Variants in FTCDNL1 observed in about 807,000 individuals in gnomAD.
FTCDNL1 encodes the protein formiminotransferase N-terminal subdomain-containing protein.
In FTCDNL1, 11 loss-of-function variants were observed where a neutral mutation model predicts 5.9. That is an observed-to-expected ratio of 1.87 (90% CI 1.18 to 3.10). FTCDNL1 has a LOEUF of 3.10. Ranked by LOEUF, FTCDNL1 falls within the 30% of genes most tolerant of loss-of-function variation. FTCDNL1 has a pLI of 0.00. For missense variants in FTCDNL1, 115 were observed against 65.5 expected (o/e 1.76, Z -2.61); for synonymous variants, 58 against 24.8 (o/e 2.34, Z -3.99).
intron 3 of FTCDNL1, chr2:199,844,262 G>T (rs1216762161): frequency 4.8e-6 from 2 of 420,484 alleles, no homozygotes; most frequent in African/African-American, 4.1e-5. Context: ...TGTTGATACA[G>T]TTCTTCAAGA....
the FTCDNL1 span, among the ~76,000 whole-genome samples, chr2:199,708,955 G>A: frequency 6.6e-6 from 1 of 151,990 alleles, no homozygotes; most frequent in Non-Finnish European, 1.5e-5. Context: ...ACTGGTTTCT[G>A]TTTGCCAAAA....
At chr2:199,715,126 G>A in the FTCDNL1 span, among the ~76,000 whole-genome samples, 1 of 151,912 alleles carries the variant, frequency 6.6e-6, no homozygotes, top group Non-Finnish European at 1.5e-5. Flanking sequence ...ACAAAAAAAA[G>A]CTGCCACAGC....
At chr2:199,686,839 CTG>C in the FTCDNL1 span, among the ~76,000 whole-genome samples, 3 of 152,140 alleles carry the variant, frequency 2.0e-5, no homozygotes, top group African/African-American at 7.2e-5. Flanking sequence ...AAAAACAACA[CTG>C]AGCTCAGCAA....
At chr2:199,794,670 G>T (rs535025689) in intron 3 of FTCDNL1, among the ~76,000 whole-genome samples, 3 of 152,278 alleles carry the variant, frequency 2.0e-5, no homozygotes, top group South Asian at 2.1e-4. Flanking sequence ...TTGAGTCCAG[G>T]AGTTTGAGAC....
chr2:199,828,166 A>G (rs567766758), intron 3 of FTCDNL1, among the ~76,000 whole-genome samples: 1 of 152,334 alleles, frequency 6.6e-6, no homozygotes, highest in Non-Finnish European at 1.5e-5. Context: ...TGTTTCAAAA[A>G]AAATCTCATA....
At chr2:199,738,211 T>C in the FTCDNL1 span, among the ~76,000 whole-genome samples, 11 of 152,236 alleles carry the variant, frequency 7.2e-5, no homozygotes, top group African/African-American at 2.7e-4. Flanking sequence ...ATCCCAGCCT[T>C]CTCTAGTTCA....
At chr2:199,780,938 A>T (rs755093646) in intron 3 of FTCDNL1, among the ~76,000 whole-genome samples, 7 of 152,160 alleles carry the variant, frequency 4.6e-5, no homozygotes, top group Non-Finnish European at 8.8e-5. Context: ...TAGGGAACCA[A>T]GGTGTCTAAC....
chr2:199,757,217 C>T (rs1698103178), downstream of FTCDNL1, among the ~76,000 whole-genome samples: 1 of 152,112 alleles, frequency 6.6e-6, no homozygotes, highest in African/African-American at 2.4e-5. Context: ...GACCCAAGTA[C>T]ACAAATATAA....
chr2:199,801,634 AAC>A (rs1054202578), intron 3 of FTCDNL1, among the ~76,000 whole-genome samples: 1 of 147,130 alleles, frequency 6.8e-6, no homozygotes, highest in Non-Finnish European at 1.5e-5. Flanking sequence ...CAGCCTGGGT[AAC>A]AGAGTGACAA....
intron 3 of FTCDNL1, among the ~76,000 whole-genome samples, chr2:199,843,415 T>C (rs933639986): frequency 2.0e-5 from 3 of 152,240 alleles, no homozygotes; most frequent in African/African-American, 7.2e-5. Flanking sequence ...TTCATTTTTG[T>C]GTGGAACATA....
At chr2:199,666,747 T>C in the FTCDNL1 span, among the ~76,000 whole-genome samples, 2 of 151,964 alleles carry the variant, frequency 1.3e-5, no homozygotes, top group African/African-American at 4.8e-5. Flanking sequence ...AAGCCCCGTC[T>C]CTACTAAAAA....
At chr2:199,704,347 C>A in the FTCDNL1 span, among the ~76,000 whole-genome samples, 1 of 152,134 alleles carries the variant, frequency 6.6e-6, no homozygotes, top group Non-Finnish European at 1.5e-5. Context: ...AGCATGAGAT[C>A]CTAGCATACT....
intron 3 of FTCDNL1, among the ~76,000 whole-genome samples, chr2:199,825,593 T>C (rs748940018): frequency 6.6e-6 from 1 of 152,154 alleles, no homozygotes; most frequent in Non-Finnish European, 1.5e-5. Flanking sequence ...AGTGAGTTCT[T>C]ACTTTATAAG....
At chr2:199,799,671 C>T (rs1325285572) in intron 3 of FTCDNL1, among the ~76,000 whole-genome samples, 9 of 152,138 alleles carry the variant, frequency 5.9e-5, no homozygotes, top group Non-Finnish European at 1.3e-4. Flanking sequence ...ACCCTTTTGG[C>T]ATGAATATCC....
the FTCDNL1 span, among the ~76,000 whole-genome samples, chr2:199,701,274 T>A: frequency 1.1e-5 from 1 of 92,816 alleles, no homozygotes; most frequent in African/African-American, 4.4e-5. Flanking sequence ...CTTACACCAG[T>A]CAGAATGGCT....
the FTCDNL1 span, among the ~76,000 whole-genome samples, chr2:199,748,024 C>T: frequency 5.9e-5 from 9 of 152,170 alleles, no homozygotes; most frequent in Non-Finnish European, 1.3e-4. Flanking sequence ...CCCCAGTCCT[C>T]TTTATCCCTC....
At position 199,810,831 on chromosome 2, in the gene FTCDNL1, AT is replaced by A. The variant is rs1014751095; in HGVS notation, c.*1873del. Among the ~76,000 whole-genome samples, 5 of 152,188 alleles carry A rather than the reference AT, an allele frequency of 3.3e-5. No homozygotes were observed. Among genetic ancestry groups the A allele is most frequent in the Admixed American group, 6.5e-5 (1 of 15,282 alleles). ...ATCATTCCTTAGCTACTATTTCAAC[AT>A]TATTTTACTGTCATTACTTTTTCTT... is the stretch of plus-strand genomic sequence containing the variant. On this transcript the variant is annotated 3_prime_UTR_variant, in exon 5 of 5. Coordinates refer to ENST00000420128, the MANE Select transcript of FTCDNL1 (RefSeq NM_001363886.2).
In FTCDNL1 at chr2:199,812,748, T is replaced by C. The variant is rs1291267727; in HGVS notation, c.398-24A>G. On this transcript the variant is annotated intron_variant, in intron 4 of 4. Transcript: ENST00000420128. ...AGCTAAAAACAAGGAAAAAAATCTTTGGTATGATTTCGTTTTCCATGTGTG... is the reference window on the plus strand; with the variant it reads ...AGCTAAAAACAAGGAAAAAAATCTTCGGTATGATTTCGTTTTCCATGTGTG... 3 of 698,004 alleles carry C rather than the reference T, an allele frequency of 4.3e-6. No homozygotes were observed. In the South Asian group the frequency reaches 4.5e-5, roughly 10 times the overall value. 43.2% of individuals were successfully genotyped at this position (698,004 alleles called of 1,614,324 possible).
the FTCDNL1 span, among the ~76,000 whole-genome samples, chr2:199,724,543 C>T: frequency 2.6e-5 from 4 of 152,116 alleles, no homozygotes; most frequent in African/African-American, 7.2e-5. Context: ...TCCCTCTTAA[C>T]ACTGCTTTAG....
Sources: allele counts gnomAD v4.1 joint callset (sites outside exome capture counted in the v4.1 genomes callset), GRCh38; gene constraint gnomAD v4.1.1; transcripts MANE v1.5; gene names NCBI Gene and HGNC (gene_info 2026-07-23, HGNC 2026-07-21).